MARCHF1: variants seen among roughly 807,000 people sequenced by gnomAD.
MARCHF1 encodes the protein E3 ubiquitin-protein ligase MARCHF1.
MARCHF1 carries 40 observed loss-of-function variants against 54.2 expected under a neutral mutation model. The ratio of observed to expected loss-of-function variants is 0.74; its 90% confidence interval spans 0.57 to 0.96. The LOEUF (loss-of-function observed/expected upper bound fraction) is 0.96, where lower values mean the gene tolerates loss of function less well. Ranked by LOEUF, MARCHF1 falls within the 40% of genes least tolerant of loss-of-function variation. The probability of loss-of-function intolerance (pLI) is 0.00; values close to 1 mark genes in which losing one functional copy is unlikely to be tolerated. For missense variants in MARCHF1, 586 were observed against 656.5 expected, an observed-to-expected ratio of 0.89 and a Z score of 1.17; for synonymous variants, 236 against 236.3, an observed-to-expected ratio of 1.00 and a Z score of 0.01.
intron 1 of MARCHF1, among the ~76,000 whole-genome samples, chr4:164,329,091 T>G (rs1165881864): frequency 6.6e-6 from 1 of 152,184 alleles, no homozygotes; most frequent in Non-Finnish European, 1.5e-5. Context: ...GAAGGAACTT[T>G]TCACCCCAAA....
intron 2 of MARCHF1, chr4:164,055,280 C>G (rs1475970794): frequency 6.6e-6 from 1 of 151,892 alleles, no homozygotes; most frequent in Non-Finnish European, 1.5e-5. Flanking sequence ...CCCATCTGTA[C>G]CAAAAATACA....
chr4:164,340,355 C>T (rs1415859299), intron 1 of MARCHF1, among the ~76,000 whole-genome samples: 2 of 142,932 alleles, frequency 1.4e-5, no homozygotes, highest in Admixed American at 7.2e-5. Flanking sequence ...TCCCACCTCA[C>T]TCAGCCCCCC....
intron 4 of MARCHF1, among the ~76,000 whole-genome samples, chr4:163,778,305 T>C (rs1052813336): frequency 7.9e-5 from 12 of 152,202 alleles, no homozygotes; most frequent in African/African-American, 2.7e-4. Flanking sequence ...GTGCATTATG[T>C]GATAAATATA....
Position 164,225,399 on chromosome 4 carries a change from T to G in MARCHF1, c.-322-113737A>C, listed in dbSNP as rs562975437. ...CCCATGATGTCCAAATAACCTGATG[T>G]CCTGTGACAAGACTGCTGTCTTCTA... On this transcript the variant is annotated intron_variant, in intron 1 of 9. Transcript: ENST00000514618. Among the ~76,000 whole-genome samples the G allele has an allele frequency of 2.2e-4, 34 of 152,212 alleles. 1 individual carries two copies. In the South Asian group the frequency reaches 6.0e-3, roughly 27 times the overall value.
At chr4:164,366,652 C>A (rs1399284729) in intron 1 of MARCHF1, among the ~76,000 whole-genome samples, 1 of 151,586 alleles carries the variant, frequency 6.6e-6, no homozygotes, top group African/African-American at 2.4e-5. Flanking sequence ...ATCATTTTGA[C>A]AAAACTGTTG....
chr4:163,805,848 C>T (rs1748211987), intron 4 of MARCHF1, among the ~76,000 whole-genome samples: 1 of 152,200 alleles, frequency 6.6e-6, no homozygotes, highest in Non-Finnish European at 1.5e-5. Context: ...ATCCCCTCTT[C>T]TCTTGTTCTC....
At chr4:163,878,612 G>C (rs904472342) in intron 3 of MARCHF1, among the ~76,000 whole-genome samples, 1 of 152,184 alleles carries the variant, frequency 6.6e-6, no homozygotes, top group African/African-American at 2.4e-5. Context: ...TAGTGTATGT[G>C]AATCCATTTC....
rs552359266 is a variant in MARCHF1 at position 164,272,459 on chromosome 4, T to C, written c.-323+111411A>G. ...AAAATAAATCAACTATTACTGTACA[T>C]ATGAATGTAAGTGTCAGCAAAACAT... On this transcript the variant is annotated intron_variant, in intron 1 of 9. Transcript: ENST00000514618. Among the ~76,000 whole-genome samples the C allele has an allele frequency of 4.6e-5, 7 of 152,188 alleles. No homozygotes were observed. In the South Asian group the frequency reaches 1.4e-3, roughly 32 times the overall value.
intron 4 of MARCHF1, among the ~76,000 whole-genome samples, chr4:163,845,736 C>T (rs190231599): frequency 1.2e-4 from 18 of 152,152 alleles, no homozygotes; most frequent in Non-Finnish European, 2.4e-4. Context: ...GACTTTACTC[C>T]GTAGAGGAAA....
At chr4:163,896,100 T>C (rs984167680) in intron 3 of MARCHF1, among the ~76,000 whole-genome samples, 1 of 152,230 alleles carries the variant, frequency 6.6e-6, no homozygotes. Flanking sequence ...ACTTTCATTT[T>C]TTTCACTGTG....
At chr4:163,807,292 C>A (rs760876631) in intron 4 of MARCHF1, among the ~76,000 whole-genome samples, 4 of 152,182 alleles carry the variant, frequency 2.6e-5, no homozygotes, top group Middle Eastern at 3.4e-3. Context: ...GAATTATAAC[C>A]TTTAGTCAAA....
At chr4:163,725,230 T>C (rs780669916) in intron 4 of MARCHF1, among the ~76,000 whole-genome samples, 1 of 152,148 alleles carries the variant, frequency 6.6e-6, no homozygotes, top group Non-Finnish European at 1.5e-5. Context: ...ATTTTACTGA[T>C]AAGTTCATAT....
At chr4:164,097,005 T>C (rs1022464989) in intron 2 of MARCHF1, among the ~76,000 whole-genome samples, 5 of 152,162 alleles carry the variant, frequency 3.3e-5, no homozygotes. Context: ...CTTTTGTTAA[T>C]GTTCATTTTA....
At chr4:164,255,317 T>C (rs1156656144) in intron 1 of MARCHF1, among the ~76,000 whole-genome samples, 1 of 138,628 alleles carries the variant, frequency 7.2e-6, no homozygotes, top group African/African-American at 2.7e-5. Flanking sequence ...GAATTGCCCC[T>C]AAAATAATAG....
chr4:164,351,421 G>A (rs982800041), intron 1 of MARCHF1, among the ~76,000 whole-genome samples: 10 of 150,606 alleles, frequency 6.6e-5, no homozygotes, highest in Admixed American at 3.3e-4. Flanking sequence ...ATCTGAGAAT[G>A]GGCAGACTGC....
rs535694321 is a variant in MARCHF1, at chr4:163,633,613, C to T, written c.163-20220G>A. Reference sequence around the variant, plus strand: ...GGACTATGTAAAAAGACCAAATCTACGTCTGATTGGTATACCTGAAAGTGA... The same window carrying T: ...GGACTATGTAAAAAGACCAAATCTATGTCTGATTGGTATACCTGAAAGTGA... On this transcript the variant is annotated intron_variant, in intron 5 of 9. Transcript: ENST00000514618. 2.6e-5 allele frequency among the ~76,000 whole-genome samples: 4 copies of T among 152,246 alleles called. No homozygotes were observed. In the East Asian group the frequency reaches 5.8e-4, roughly 22 times the overall value.
intron 7 of MARCHF1, among the ~76,000 whole-genome samples, chr4:163,593,697 C>T (rs1198851173): frequency 6.6e-6 from 1 of 152,108 alleles, no homozygotes; most frequent in Non-Finnish European, 1.5e-5. Context: ...TCTCAAGTTG[C>T]CATGGATAAT....
intron 1 of MARCHF1, among the ~76,000 whole-genome samples, chr4:164,376,290 G>A (rs1431313996): frequency 1.3e-5 from 2 of 152,180 alleles, no homozygotes; most frequent in South Asian, 2.1e-4. Context: ...TGACAGATTT[G>A]TAAAGAAAGT....
At chr4:164,209,903 AAAG>A (rs1302436519) in intron 1 of MARCHF1, among the ~76,000 whole-genome samples, 1 of 152,290 alleles carries the variant, frequency 6.6e-6, no homozygotes, top group East Asian at 1.9e-4. Flanking sequence ...CCAACCATTA[AAAG>A]AAGAAAAAAA....
Sources: allele counts gnomAD v4.1 joint callset (sites outside exome capture counted in the v4.1 genomes callset), GRCh38; gene constraint gnomAD v4.1.1; transcripts MANE v1.5; gene names NCBI Gene and HGNC (gene_info 2026-07-23, HGNC 2026-07-21).